USP3: variants seen among roughly 807,000 people sequenced by gnomAD.
USP3 encodes the protein ubiquitin carboxyl-terminal hydrolase 3.
USP3 carries 20 observed loss-of-function variants against 72.3 expected under a neutral mutation model. The ratio of observed to expected loss-of-function variants is 0.28; its 90% CI spans 0.19 to 0.40. The LOEUF (loss-of-function observed/expected upper bound fraction) is 0.40. Among genes scored for constraint, USP3 ranks in the 10% least tolerant of loss-of-function variants. The pLI is 1.00. For missense variants in USP3, 479 were observed against 633.9 expected (o/e 0.76, Z 2.62); for synonymous variants, 222 against 225.3 (o/e 0.99, Z 0.13).
At chr15:63,552,074 A>G (rs1024694019) in intron 3 of USP3, among the ~76,000 whole-genome samples, 1 of 152,252 alleles carries the variant, frequency 6.6e-6, no homozygotes, top group Admixed American at 6.5e-5. Flanking sequence ...TCAATTAGAT[A>G]TTAATGGCAT....
chr15:63,550,537 G>A (rs2066421985), intron 3 of USP3, among the ~76,000 whole-genome samples: 1 of 152,116 alleles, frequency 6.6e-6, no homozygotes, highest in Non-Finnish European at 1.5e-5. Context: ...TTAAATTTAA[G>A]GCTGCAAATA....
chr15:63,520,115 G>A (rs1197418847), intron 1 of USP3, among the ~76,000 whole-genome samples: 1 of 152,058 alleles, frequency 6.6e-6, no homozygotes, highest in Non-Finnish European at 1.5e-5. Context: ...AGATCTCTCA[G>A]CACAGTAGAG....
intron 8 of USP3, among the ~76,000 whole-genome samples, chr15:63,566,271 T>C (rs900597994): frequency 6.6e-6 from 1 of 152,086 alleles, no homozygotes; most frequent in Non-Finnish European, 1.5e-5. Context: ...AAAGGATTTT[T>C]GTAGACAAAA....
chr15:63,585,896 C>A (rs188672914), intron 11 of USP3, among the ~76,000 whole-genome samples: 1 of 148,018 alleles, frequency 6.8e-6, no homozygotes, highest in Non-Finnish European at 1.5e-5. Context: ...CCATAATAAA[C>A]TTTAGAGTAA....
In USP3 at chr15:63,537,044, A is replaced by G. The variant is rs758938252; in HGVS notation, c.172A>G (p.Lys58Glu). Residue 58 changes from lysine (K) to glutamate (E), a missense_variant, in exon 3 of 15, where the codon AAA becomes GAA. Transcript: ENST00000380324. Reference protein sequence around the residue: ...HCGRYVNGHAKKHYEDAQVPL... With the variant: ...HCGRYVNGHAEKHYEDAQVPL... Reference sequence around the variant, plus strand: ...TGTAAGGTATGTGAATGGCCATGCAAAAAAACATTATGAAGATGCACAAGT... The same window carrying G: ...TGTAAGGTATGTGAATGGCCATGCAGAAAAACATTATGAAGATGCACAAGT... The G allele has an allele frequency of 3.7e-6, 6 of 1,613,562 alleles. No individual in the cohort carries two copies. In the African/African-American group the frequency reaches 8.0e-5, roughly 22 times the overall value.
At chr15:63,512,413 T>C (rs1368895204) in intron 1 of USP3, among the ~76,000 whole-genome samples, 1 of 150,736 alleles carries the variant, frequency 6.6e-6, no homozygotes, top group East Asian at 1.9e-4. Context: ...TTCTTCTTTC[T>C]TCTTTCTTTT....
Position 63,528,991 on chromosome 15 carries a change from C to T in USP3, c.92-3656C>T. On this transcript the variant is annotated intron_variant, in intron 1 of 14. Coordinates refer to ENST00000380324, the MANE Select transcript of USP3 (RefSeq NM_006537.4). The surrounding 1 kb of genome is among the most constrained non-coding windows in gnomAD (Gnocchi z 4.3). ...ATTGGCTTCAGAATCCCTCATAATACCCTATCCTCTGTATCTTTCTAGCCT... is the reference window on the plus strand; with the variant it reads ...ATTGGCTTCAGAATCCCTCATAATATCCTATCCTCTGTATCTTTCTAGCCT... 7.8e-7 allele frequency: 1 copy of T among 1,288,022 alleles called. No individual in the cohort carries two copies. Among genetic ancestry groups the T allele is most frequent in the Non-Finnish European group, 1.0e-6 (1 of 987,832 alleles). 79.8% of individuals were successfully genotyped at this position (1,288,022 alleles called of 1,614,324 possible).
intron 14 of USP3, chr15:63,589,216 A>C: frequency 1.7e-6 from 1 of 589,054 alleles, no homozygotes; most frequent in Non-Finnish European, 3.0e-6. Context: ...TGAAATGAAG[A>C]ATGGTTCATT....
chr15:63,518,198 T>A (rs1237251279), intron 1 of USP3, among the ~76,000 whole-genome samples: 1 of 152,226 alleles, frequency 6.6e-6, no homozygotes, highest in African/African-American at 2.4e-5. Flanking sequence ...ATATTCAGAT[T>A]TACCTTCTCT....
At chr15:63,530,726 C>T in intron 1 of USP3, 1 of 334,988 alleles carries the variant, frequency 3.0e-6, no homozygotes, top group Non-Finnish European at 5.8e-6. Context: ...TTCAAGTAAG[C>T]TGTGTACTAG....
In USP3 at chr15:63,544,766, T is replaced by C. The variant is rs1475906228; in HGVS notation, c.284+7610T>C. On this transcript the variant is annotated intron_variant, in intron 3 of 14. Coordinates refer to ENST00000380324, the MANE Select transcript of USP3 (RefSeq NM_006537.4). The surrounding 1 kb of genome is among the most constrained non-coding windows in gnomAD (Gnocchi z 4.2). Reference sequence around the variant, plus strand: ...ATGGTATATGGGATGAAAGCTTAACTCTAAAACTAGAGCAGGTAACACTGA... The same window carrying C: ...ATGGTATATGGGATGAAAGCTTAACCCTAAAACTAGAGCAGGTAACACTGA... 1 of 701,042 alleles carries C rather than the reference T, an allele frequency of 1.4e-6. No homozygotes were observed. Among genetic ancestry groups the C allele is most frequent in the Non-Finnish European group, 2.6e-6 (1 of 384,384 alleles). The allele number at this position is 701,042 out of a possible 1,614,324, so 43.4% of individuals were successfully genotyped here. A position where few individuals can be genotyped will look rare whatever the true frequency, so the allele number is the denominator to read the frequency against.
intron 7 of USP3, among the ~76,000 whole-genome samples, chr15:63,561,535 G>T (rs1011350996): frequency 5.3e-5 from 8 of 152,130 alleles, no homozygotes; most frequent in Non-Finnish European, 8.8e-5. Context: ...CCATGCTGCT[G>T]CCCTGCACTC....
At chr15:63,523,492 A>G (rs2065944210) in intron 1 of USP3, among the ~76,000 whole-genome samples, 1 of 152,220 alleles carries the variant, frequency 6.6e-6, no homozygotes, top group Non-Finnish European at 1.5e-5. Flanking sequence ...TACAAAGGCA[A>G]CTCATTCTGT....
intron 14 of USP3, 75 bp from the exon 15 acceptor site, chr15:63,590,586 C>T: frequency 7.5e-7 from 1 of 1,328,034 alleles, no homozygotes; most frequent in Non-Finnish European, 1.0e-6. Flanking sequence ...AAATTTAAAT[C>T]TAACATTATA....
At chr15:63,530,945 G>A (rs775881122) in intron 1 of USP3, among the ~76,000 whole-genome samples, 1 of 152,142 alleles carries the variant, frequency 6.6e-6, no homozygotes, top group Non-Finnish European at 1.5e-5. Flanking sequence ...CTGTCATGTG[G>A]TTTACGTGCA....
At chr15:63,581,591 G>T (rs1482492429) in intron 11 of USP3, among the ~76,000 whole-genome samples, 1 of 146,666 alleles carries the variant, frequency 6.8e-6, no homozygotes, top group Admixed American at 6.9e-5. Context: ...GGTATAGACA[G>T]GGTTTCACCA....
intron 1 of USP3, among the ~76,000 whole-genome samples, chr15:63,521,801 G>A (rs937215573): frequency 1.3e-5 from 2 of 152,142 alleles, no homozygotes; most frequent in African/African-American, 4.8e-5. Flanking sequence ...ATGGCAGTAG[G>A]ACAAGACAAT....
At chr15:63,569,922 T>C (rs1274302718) in intron 8 of USP3, among the ~76,000 whole-genome samples, 1 of 152,220 alleles carries the variant, frequency 6.6e-6, no homozygotes, top group Non-Finnish European at 1.5e-5. Context: ...GTTTAAAAAT[T>C]AGTATCTTTC....
rs761627594 is a variant in USP3, at chr15:63,570,499, T to C, written c.828T>C (p.Leu276=). The C allele has an allele frequency of 1.2e-6, 2 of 1,614,234 alleles. No individual in the cohort carries two copies. The highest frequency in any genetic ancestry group is 1.7e-6 in the Non-Finnish European group (2 of 1,180,030). ...TTTTGGACCACCTACACTTGGAACT[T>C]CAGGGCGGTTTCAACGGTGTTTCCC... ...RYLLDHLHLE[L]QGGFNGVSRS... The change falls in exon 9 of 15, where the codon CTT becomes CTC. Residue 276 remains leucine (L), a synonymous_variant. Coordinates refer to ENST00000380324, the MANE Select transcript of USP3 (RefSeq NM_006537.4). The surrounding 1 kb of genome is among the most constrained non-coding windows in gnomAD (Gnocchi z 4.4).
Sources: allele counts gnomAD v4.1 joint callset (sites outside exome capture counted in the v4.1 genomes callset), GRCh38; gene constraint gnomAD v4.1.1; non-coding constraint Gnocchi (gnomAD v3.1); transcripts MANE v1.5; gene names NCBI Gene and HGNC (gene_info 2026-07-23, HGNC 2026-07-21).